The following CFAP54 variants were observed in gnomAD, a reference collection of about 807,000 sequenced individuals.
CFAP54 encodes cilia and flagella associated protein 54.
Under a neutral mutation model 370.4 loss-of-function variants are expected in CFAP54, and 290 were observed. That is an observed-to-expected ratio of 0.78 (90% CI 0.71 to 0.86). The LOEUF is 0.86. Among genes scored for constraint, CFAP54 ranks in the 40% least tolerant of loss-of-function variants. The probability of loss-of-function intolerance (pLI) is 0.00; values close to 1 mark genes in which losing one functional copy is unlikely to be tolerated. For missense variants in CFAP54, 3,399 were observed against 3,528.7 expected, an observed-to-expected ratio of 0.96 and a Z score of 0.93; for synonymous variants, 1,206 against 1,236.5, an observed-to-expected ratio of 0.98 and a Z score of 0.52.
Position 96,540,877 on chromosome 12 carries a change from G to C in CFAP54, c.1967G>C (p.Cys656Ser). The change falls in exon 14 of 68, where the codon TGC becomes TCC. Residue 656 changes from cysteine (C) to serine (S), a missense_variant. Cys to Ser is a moderately radical substitution (Grantham distance 112). Transcript: ENST00000524981. The part of the protein sequence containing the change: ...LLWQINEVIH[C>S]YKMEDIDIVV... ...TGGCAGATAAATGAAGTAATTCACT[G>C]CTATAAAATGGAAGACATTGACATT... is the stretch of plus-strand genomic sequence containing the variant. 1 of 1,498,000 alleles carries C rather than the reference G, an allele frequency of 6.7e-7. No homozygotes were observed. The highest frequency in any genetic ancestry group is 8.8e-7 in the Non-Finnish European group (1 of 1,130,298). The allele number at this position is 1,498,000 out of a possible 1,614,324, so 92.8% of individuals were successfully genotyped here. A position where few individuals can be genotyped will look rare whatever the true frequency, so the allele number is the denominator to read the frequency against.
In CFAP54 at chr12:96,753,915, G is replaced by T; in HGVS notation, c.7840+17G>T. The T allele has an allele frequency of 6.2e-7, 1 of 1,606,654 alleles. No homozygotes were observed. The highest frequency in any genetic ancestry group is 1.1e-5 in the South Asian group (1 of 90,060). On this transcript the variant is annotated intron_variant, in intron 56 of 67. Transcript: ENST00000524981. Reference sequence around the variant, plus strand: ...TTCAGAAAGGTAAAATGCATCTGGGGTCAGAACTATGATAAAATTTATGGA... The same window carrying T: ...TTCAGAAAGGTAAAATGCATCTGGGTTCAGAACTATGATAAAATTTATGGA...
At chr12:96,767,969 C>T (rs11108691) in intron 60 of CFAP54, among the ~76,000 whole-genome samples, 58,809 of 151,646 alleles carry the variant, frequency 0.39, 11,645 homozygotes, top group Admixed American at 0.43. Context: ...CAGGTCTTAC[C>T]TTCCATGAGC....
chr12:96,630,382 G>T (rs1956593656), intron 31 of CFAP54, among the ~76,000 whole-genome samples, 169 bp from the exon 32 acceptor site: 1 of 111,474 alleles, frequency 9.0e-6, no homozygotes, highest in South Asian at 2.4e-4. Context: ...GTTATAATCA[G>T]ATTTTTTTTG....
At chr12:96,545,244 T>G (rs1167105259) in intron 14 of CFAP54, among the ~76,000 whole-genome samples, 1 of 151,856 alleles carries the variant, frequency 6.6e-6, no homozygotes, top group East Asian at 1.9e-4. Flanking sequence ...ACCAGTCCAG[T>G]CAGGGGGTGG....
Position 96,631,984 on chromosome 12 carries a change from G to C in CFAP54, c.4316+1333G>C, listed in dbSNP as rs555179870. ...TGTATCAATGTTGTGAAAAATTTCTGTTATTCAAGGTCTTCACCAACACTT... is the reference window on the plus strand; with the variant it reads ...TGTATCAATGTTGTGAAAAATTTCTCTTATTCAAGGTCTTCACCAACACTT... On this transcript the variant is annotated intron_variant, in intron 32 of 67. Coordinates refer to ENST00000524981, the MANE Select transcript of CFAP54 (RefSeq NM_001306084.2). 1.5e-4 allele frequency among the ~76,000 whole-genome samples: 23 copies of C among 151,272 alleles called. 1 individual carries two copies. The South Asian group carries it at 4.6e-3, about 30-fold the overall frequency.
chr12:96,609,351 T>C (rs1403241515), intron 26 of CFAP54, among the ~76,000 whole-genome samples: 2 of 152,198 alleles, frequency 1.3e-5, no homozygotes, highest in African/African-American at 2.4e-5. Context: ...TAAGATTATA[T>C]GAAAAATGCC....
intron 13 of CFAP54, chr12:96,540,129 G>A (rs1169911093): frequency 6.6e-6 from 1 of 152,050 alleles, no homozygotes; most frequent in Non-Finnish European, 1.5e-5. Context: ...TTGAGACAGA[G>A]ACTCGCTCTT....
intron 58 of CFAP54, among the ~76,000 whole-genome samples, chr12:96,761,005 T>C (rs1479126850): frequency 6.6e-6 from 1 of 152,252 alleles, no homozygotes; most frequent in East Asian, 1.9e-4. Flanking sequence ...CTGGGTTATA[T>C]GGCAACTCTA....
intron 45 of CFAP54, among the ~76,000 whole-genome samples, chr12:96,699,552 C>T (rs1049611766): frequency 1.3e-5 from 2 of 152,082 alleles, no homozygotes; most frequent in African/African-American, 4.8e-5. Context: ...GAGTTAGTCT[C>T]CCAGTTTGAC....
In CFAP54 at chr12:96,614,496, G is replaced by A. The variant is rs1025967874; in HGVS notation, c.3640-7094G>A. Among the ~76,000 whole-genome samples, 9 of 152,318 alleles carry A rather than the reference G, an allele frequency of 5.9e-5. No homozygotes were observed. The East Asian group carries it at 7.7e-4, about 13-fold the overall frequency. On this transcript the variant is annotated intron_variant, in intron 26 of 67. Coordinates refer to ENST00000524981, the MANE Select transcript of CFAP54 (RefSeq NM_001306084.2). ...TCTCACCACACCTATTCAACATAGT[G>A]TTGGAAGTTTTGGCCAGGGCAATCA...
At chr12:96,729,738 G>A (rs1006082931) in intron 50 of CFAP54, among the ~76,000 whole-genome samples, 5 of 152,184 alleles carry the variant, frequency 3.3e-5, no homozygotes, top group Non-Finnish European at 5.9e-5. Context: ...AGATGAACCC[G>A]GTACCTCAGA....
At chr12:96,802,920 C>T (rs1958837554) in intron 63 of CFAP54, among the ~76,000 whole-genome samples, 1 of 152,050 alleles carries the variant, frequency 6.6e-6, no homozygotes, top group African/African-American at 2.4e-5. Flanking sequence ...TGAGTGAGAA[C>T]ATGTGGTGTT....
Position 96,679,724 on chromosome 12 carries a change from G to A in CFAP54, c.5688G>A (p.Leu1896=), listed in dbSNP as rs750770234. Residue 1896 remains leucine (L), a synonymous_variant, in exon 40 of 68, where the codon TTG becomes TTA. Coordinates refer to ENST00000524981, the MANE Select transcript of CFAP54 (RefSeq NM_001306084.2). ...HNRSIRHSRK[L]LSLFLAQTQD... is the part of the protein sequence containing the mutation. ...GATCAATCCGACACAGCAGAAAGTTGCTTTCATTATTTCTTGCACAGACAC... is the reference window on the plus strand; with the variant it reads ...GATCAATCCGACACAGCAGAAAGTTACTTTCATTATTTCTTGCACAGACAC... 1 of 1,613,002 alleles carries A rather than the reference G, an allele frequency of 6.2e-7. No individual in the cohort carries two copies.
At position 96,573,031 on chromosome 12, in the gene CFAP54, G is replaced by A. The variant is rs1424296684; in HGVS notation, c.2620-3554G>A. On this transcript the variant is annotated intron_variant, in intron 19 of 67. Transcript: ENST00000524981. ...TCAAATTTGGAGCCCAGAGAGGCTG[G>A]CTGGTCAGTGGAGATGGAGGTCAAA... 4.1e-6 allele frequency: 4 copies of A among 985,304 alleles called. No individual in the cohort carries two copies. The East Asian group carries it at 4.5e-4, about 112-fold the overall frequency. The allele number at this position is 985,304 out of a possible 1,614,324, so 61.0% of individuals were successfully genotyped here.
chr12:96,738,150 A>G (rs1231852789), intron 50 of CFAP54, among the ~76,000 whole-genome samples: 4 of 152,126 alleles, frequency 2.6e-5, no homozygotes, highest in African/African-American at 9.7e-5. Context: ...GAGGAGCCCT[A>G]TTTGGAAGGT....
chr12:96,767,186 G>A (rs1477786442), intron 60 of CFAP54, among the ~76,000 whole-genome samples: 1 of 152,212 alleles, frequency 6.6e-6, no homozygotes, highest in Non-Finnish European at 1.5e-5. Flanking sequence ...ATGGATGTTT[G>A]CTAAATGAAA....
chr12:96,552,246 CA>C (rs374756712), intron 15 of CFAP54, among the ~76,000 whole-genome samples: 4,317 of 41,008 alleles, frequency 0.11, 72 homozygotes, highest in African/African-American at 0.18. Flanking sequence ...AACTACATCT[CA>C]AAAAAAAAAA....
At chr12:96,704,452 G>GTATATATA (rs71068825) in intron 46 of CFAP54, among the ~76,000 whole-genome samples, 28 of 61,290 alleles carry the variant, frequency 4.6e-4, no homozygotes, top group Non-Finnish European at 5.5e-4. Context: ...ATGTATGTGT[G>GTATATATA]TATATATATA....
intron 35 of CFAP54, among the ~76,000 whole-genome samples, chr12:96,650,285 G>A (rs1956844663): frequency 6.6e-6 from 1 of 152,120 alleles, no homozygotes; most frequent in African/African-American, 2.4e-5. Context: ...GCAGAGGGGG[G>A]AAGCTTCTTT....
Sources: allele counts gnomAD v4.1 joint callset (sites outside exome capture counted in the v4.1 genomes callset), GRCh38; gene constraint gnomAD v4.1.1; transcripts MANE v1.5; gene names NCBI Gene and HGNC (gene_info 2026-07-23, HGNC 2026-07-21).